ADAMTS2: variants seen among roughly 807,000 people sequenced by gnomAD.
ADAMTS2 encodes ADAM metallopeptidase with thrombospondin type 1 motif 2, also known as A disintegrin and metalloproteinase with thrombospondin motifs 2.
In ADAMTS2, 50 loss-of-function variants were observed where a neutral mutation model predicts 123.0. The ratio of observed to expected loss-of-function variants is 0.41; its 90% CI spans 0.32 to 0.51. The LOEUF is 0.51. Among genes scored for constraint, ADAMTS2 ranks in the 20% least tolerant of loss-of-function variants. ADAMTS2 has a pLI of 0.35. For missense variants in ADAMTS2, 1,494 were observed against 1,705.2 expected, an observed-to-expected ratio of 0.88 and a Z score of 2.18; for synonymous variants, 678 against 695.4, an observed-to-expected ratio of 0.98 and a Z score of 0.39.
chr5:179,156,243 TTAGA>T (rs60335275), intron 6 of ADAMTS2, among the ~76,000 whole-genome samples: 1,677 of 152,334 alleles, frequency 0.011, 34 homozygotes, highest in African/African-American at 0.037. Context: ...CGGAATCTTA[TTAGA>T]TAGAGTGTGC....
intron 2 of ADAMTS2, among the ~76,000 whole-genome samples, chr5:179,329,863 A>G (rs1387720913): frequency 6.6e-6 from 1 of 152,044 alleles, no homozygotes. Context: ...GTGGTGGCTC[A>G]CGCCTGTAAT....
chr5:179,252,665 G>C (rs1438004966), intron 3 of ADAMTS2, among the ~76,000 whole-genome samples: 1 of 152,146 alleles, frequency 6.6e-6, no homozygotes, highest in Non-Finnish European at 1.5e-5. Context: ...GTTTCTGTGA[G>C]ATTTGCACTT....
At chr5:179,245,506 C>A (rs936663518) in intron 3 of ADAMTS2, among the ~76,000 whole-genome samples, 3 of 148,982 alleles carry the variant, frequency 2.0e-5, no homozygotes, top group Admixed American at 2.0e-4. Context: ...GTGGCTCACG[C>A]CTGTAATCCC....
chr5:179,215,730 C>T (rs1005247222), intron 3 of ADAMTS2, among the ~76,000 whole-genome samples: 5 of 152,102 alleles, frequency 3.3e-5, no homozygotes, highest in African/African-American at 1.2e-4. Flanking sequence ...CCCAGGCTGG[C>T]CATGAAGACA....
rs955348689 is a variant in ADAMTS2, at chr5:179,303,125, A to G, written c.535-30061T>C. On this transcript the variant is annotated intron_variant, in intron 2 of 21. Coordinates refer to ENST00000251582, the MANE Select transcript of ADAMTS2 (RefSeq NM_014244.5). This position sits in a 1 kb window ranked among gnomAD's most constrained non-coding sequence, Gnocchi z 4.7. Reference sequence around the variant, plus strand: ...GCCCCTGGAGGGTGGAAGAGACCTGATTCCCCTGTCAGTTGCTCTGGGCAT... The same window carrying G: ...GCCCCTGGAGGGTGGAAGAGACCTGGTTCCCCTGTCAGTTGCTCTGGGCAT... Among the ~76,000 whole-genome samples, 6 of 152,058 alleles carry G rather than the reference A, an allele frequency of 3.9e-5. No individual in the cohort carries two copies. The East Asian group carries it at 1.2e-3, about 29-fold the overall frequency.
chr5:179,271,055 G>A (rs1287296369), intron 3 of ADAMTS2, among the ~76,000 whole-genome samples: 4 of 152,310 alleles, frequency 2.6e-5, no homozygotes, highest in South Asian at 2.1e-4. Context: ...CTCACCCAGC[G>A]TCTTCTAAGG....
At chr5:179,287,653 C>G (rs1269377016) in intron 2 of ADAMTS2, among the ~76,000 whole-genome samples, 2 of 152,236 alleles carry the variant, frequency 1.3e-5, no homozygotes, top group African/African-American at 4.8e-5. Flanking sequence ...CATCCAATAC[C>G]CTTTCTGTGG....
rs1026685031 is a variant in ADAMTS2 at position 179,111,876 on chromosome 5, C to G, written c.*1991G>C. On this transcript the variant is annotated 3_prime_UTR_variant, in exon 22 of 22. Coordinates refer to ENST00000251582, the MANE Select transcript of ADAMTS2 (RefSeq NM_014244.5). Reference sequence around the variant, plus strand: ...ACAGAGGCAGGATTGCACACATGCTCTAAACCACATCTTCTTAAGGAAGGG... The same window carrying G: ...ACAGAGGCAGGATTGCACACATGCTGTAAACCACATCTTCTTAAGGAAGGG... 2 of 152,274 alleles carry G rather than the reference C, an allele frequency of 1.3e-5. No individual in the cohort carries two copies. The highest frequency in any genetic ancestry group is 2.9e-5 in the Non-Finnish European group (2 of 68,072). 9.4% of individuals were successfully genotyped at this position (152,274 alleles called of 1,614,324 possible). A position where few individuals can be genotyped will look rare whatever the true frequency, so the allele number is the denominator to read the frequency against.
intron 3 of ADAMTS2, among the ~76,000 whole-genome samples, chr5:179,270,325 G>A (rs918189709): frequency 6.6e-6 from 1 of 152,076 alleles, no homozygotes. Flanking sequence ...ATCCCCCACT[G>A]GGACACCCAG....
At chr5:179,276,314 G>C (rs1319703707) in intron 2 of ADAMTS2, among the ~76,000 whole-genome samples, 1 of 152,202 alleles carries the variant, frequency 6.6e-6, no homozygotes, top group Non-Finnish European at 1.5e-5. Context: ...CCGGTGCGTG[G>C]TGTGGAGAAG....
At chr5:179,274,092 C>T (rs1188333591) in intron 2 of ADAMTS2, among the ~76,000 whole-genome samples, 2 of 151,724 alleles carry the variant, frequency 1.3e-5, no homozygotes, top group East Asian at 3.9e-4. Flanking sequence ...CCTGCCCTCC[C>T]CTGCCATCCA....
chr5:179,158,033 C>T lies in ADAMTS2; in HGVS notation c.1132+690G>A, dbSNP rs1305962546. 3.3e-5 allele frequency among the ~76,000 whole-genome samples: 5 copies of T among 151,758 alleles called. No individual in the cohort carries two copies. The highest frequency in any genetic ancestry group is 4.8e-5 in the African/African-American group (2 of 41,298). On this transcript the variant is annotated intron_variant, in intron 6 of 21. Transcript: ENST00000251582. The surrounding 1 kb of genome is among the most constrained non-coding windows in gnomAD (Gnocchi z 5.0). ...AGGCTGGAGCAAAGTGGTGCGATCT[C>T]GACTCATTGCAAACTCCGCCTCCCG...
chr5:179,314,142 G>A lies in ADAMTS2; in HGVS notation c.534+29625C>T, dbSNP rs149410576. Among the ~76,000 whole-genome samples, 935 of 152,356 alleles carry A rather than the reference G, an allele frequency of 6.1e-3. 8 individuals carry two copies. Among genetic ancestry groups the A allele is most frequent in the Middle Eastern group, 0.027 (8 of 294 alleles). On this transcript the variant is annotated intron_variant, in intron 2 of 21. Coordinates refer to ENST00000251582, the MANE Select transcript of ADAMTS2 (RefSeq NM_014244.5). The surrounding 1 kb of genome is among the most constrained non-coding windows in gnomAD (Gnocchi z 4.5). Reference sequence around the variant, plus strand: ...GGCTCTGCATCCACACGGAGGCTTCGGATTGGGCGCAGCCTGGGAGCACAC... The same window carrying A: ...GGCTCTGCATCCACACGGAGGCTTCAGATTGGGCGCAGCCTGGGAGCACAC...
Position 179,135,966 on chromosome 5 carries a change from G to A in ADAMTS2, c.2028C>T (p.Asp676=), listed in dbSNP as rs1972715. 383,341 of 1,613,032 alleles carry A rather than the reference G, an allele frequency of 0.24. 47,024 individuals carry two copies. The highest frequency in any genetic ancestry group is 0.25 in the African/African-American group (18,955 of 74,876). Residue 676 remains aspartate (D), a synonymous_variant, in exon 13 of 22, where the codon GAC becomes GAT. Coordinates refer to ENST00000251582, the MANE Select transcript of ADAMTS2 (RefSeq NM_014244.5). ...EVVSMKRMVH[D]GTRCSYKDAF... is the part of the protein sequence containing the mutation. The stretch of plus-strand genomic sequence containing the variant: ...CGTCCTTGTAGGAGCAGCGCGTCCC[G>A]TCATGCACCATGCGCTTCATGGACA...
At chr5:179,336,346 G>A (rs897239429) in intron 2 of ADAMTS2, among the ~76,000 whole-genome samples, 1 of 152,252 alleles carries the variant, frequency 6.6e-6, no homozygotes, top group Non-Finnish European at 1.5e-5. Context: ...ATCCCTGGAG[G>A]AAGGACCGCT....
In ADAMTS2 at chr5:179,113,189, T is replaced by G. The variant is rs574000960; in HGVS notation, c.*678A>C. 20 of 153,404 alleles carry G rather than the reference T, an allele frequency of 1.3e-4. No homozygotes were observed. Among genetic ancestry groups the G allele is most frequent in the African/African-American group, 4.8e-4 (20 of 41,570 alleles). 9.5% of individuals were successfully genotyped at this position (153,404 alleles called of 1,614,324 possible). A position where few individuals can be genotyped will look rare whatever the true frequency, so the allele number is the denominator to read the frequency against. On this transcript the variant is annotated 3_prime_UTR_variant, in exon 22 of 22. Transcript: ENST00000251582. Reference sequence around the variant, plus strand: ...GTTTTTTTCATGCAAAAATCTAGACTTCTTCCGAAAAAGAACACTGTCTGG... The same window carrying G: ...GTTTTTTTCATGCAAAAATCTAGACGTCTTCCGAAAAAGAACACTGTCTGG...
intron 3 of ADAMTS2, among the ~76,000 whole-genome samples, chr5:179,269,032 C>T (rs1024971065): frequency 7.2e-5 from 11 of 152,158 alleles, no homozygotes; most frequent in African/African-American, 1.9e-4. Flanking sequence ...CTGGATTACT[C>T]GGGTGAGTCC....
At position 179,162,544 on chromosome 5, in the gene ADAMTS2, C is replaced by T. The variant is rs1362367346; in HGVS notation, c.976-3665G>A. 1.3e-5 allele frequency among the ~76,000 whole-genome samples: 2 copies of T among 152,196 alleles called. No homozygotes were observed. The highest frequency in any genetic ancestry group is 2.4e-5 in the African/African-American group (1 of 41,458). ...ACGGCGGGCCCCAGCTGAGCTGTTG[C>T]ACACCATACCGTATGGGCCCCTCCT... On this transcript the variant is annotated intron_variant, in intron 5 of 21. Transcript: ENST00000251582. The surrounding 1 kb of genome is among the most constrained non-coding windows in gnomAD (Gnocchi z 5.1).
chr5:179,322,404 G>A (rs893793071), intron 2 of ADAMTS2, among the ~76,000 whole-genome samples: 2 of 152,182 alleles, frequency 1.3e-5, no homozygotes, highest in African/African-American at 4.8e-5. Context: ...TGGTCACACA[G>A]GAGGGAGTGC....
Sources: allele counts gnomAD v4.1 joint callset (sites outside exome capture counted in the v4.1 genomes callset), GRCh38; gene constraint gnomAD v4.1.1; non-coding constraint Gnocchi (gnomAD v3.1); transcripts MANE v1.5; gene names NCBI Gene and HGNC (gene_info 2026-07-23, HGNC 2026-07-21).